NKAIN2: variants seen among roughly 807,000 people sequenced by gnomAD.
NKAIN2 encodes the protein sodium/potassium transporting ATPase interacting 2.
A neutral mutation model predicts 32.6 loss-of-function variants in NKAIN2; 14 were observed. The observed-to-expected ratio is 0.43, with a 90% CI of 0.28 to 0.67. The LOEUF (loss-of-function observed/expected upper bound fraction) is 0.67, where lower values mean the gene tolerates loss of function less well. Ranked by LOEUF, NKAIN2 falls within the 30% of genes least tolerant of loss-of-function variation. The pLI is 0.17. For synonymous variants in NKAIN2, 80 were observed against 87.2 expected, an observed-to-expected ratio of 0.92 and a Z score of 0.46; for missense variants, 198 against 258.3, an observed-to-expected ratio of 0.77 and a Z score of 1.60.
rs545922679 is a variant in NKAIN2, at chr6:124,005,226, A to G, written c.54+200972A>G. On this transcript the variant is annotated intron_variant, in intron 1 of 6. Transcript: ENST00000368417. ...AGCAACAGAGTGAGACTCCATCTCA[A>G]AAAACAAAACAAAACGAAACAAAAC... Among the ~76,000 whole-genome samples, 7 of 152,308 alleles carry G rather than the reference A, an allele frequency of 4.6e-5. No individual in the cohort carries two copies. In the East Asian group the frequency reaches 1.4e-3, roughly 29 times the overall value.
intron 1 of NKAIN2, among the ~76,000 whole-genome samples, chr6:123,955,467 A>G (rs1421353778): frequency 3.3e-5 from 5 of 152,004 alleles, no homozygotes; most frequent in Admixed American, 3.3e-4. Context: ...ATGAGACACT[A>G]TTCATTCCAC....
chr6:123,925,888 T>C (rs1291417886), intron 1 of NKAIN2, among the ~76,000 whole-genome samples: 2 of 152,222 alleles, frequency 1.3e-5, no homozygotes, highest in Non-Finnish European at 2.9e-5. Context: ...CTAGATAGCT[T>C]ATATAAACAA....
intron 4 of NKAIN2, among the ~76,000 whole-genome samples, chr6:124,786,540 C>T (rs1779513609): frequency 6.6e-6 from 1 of 151,772 alleles, no homozygotes; most frequent in African/African-American, 2.4e-5. Context: ...TCTGTGGATA[C>T]AAAAAAGAAT....
intron 1 of NKAIN2, among the ~76,000 whole-genome samples, chr6:123,894,781 G>A (rs1311031329): frequency 6.6e-6 from 1 of 151,920 alleles, no homozygotes; most frequent in Non-Finnish European, 1.5e-5. Flanking sequence ...GGATGAAGGA[G>A]GAGATTCCCC....
At chr6:124,454,105 TTGGG>T (rs1776227616) in intron 3 of NKAIN2, among the ~76,000 whole-genome samples, 2 of 130,738 alleles carry the variant, frequency 1.5e-5, no homozygotes, top group African/African-American at 2.8e-5. Context: ...GGTTTTTTTT[TTGGG>T]GGGGGGGGTT....
chr6:124,371,156 A>AT (rs1383552996), intron 3 of NKAIN2, among the ~76,000 whole-genome samples: 1 of 152,148 alleles, frequency 6.6e-6, no homozygotes, highest in Non-Finnish European at 1.5e-5. Context: ...ACTGAATATT[A>AT]TTTTCTCTTT....
chr6:123,934,994 C>T (rs909220011), intron 1 of NKAIN2, among the ~76,000 whole-genome samples: 87 of 149,056 alleles, frequency 5.8e-4, no homozygotes, highest in African/African-American at 2.0e-3. Context: ...GTAACTTTAT[C>T]AGACTGACAT....
intron 3 of NKAIN2, among the ~76,000 whole-genome samples, chr6:124,537,131 C>T (rs944049055): frequency 6.6e-6 from 1 of 152,208 alleles, no homozygotes; most frequent in African/African-American, 2.4e-5. Flanking sequence ...CATGCAGTTT[C>T]TCTTCCCCAG....
At chr6:124,475,091 AGAG>A (rs1777146371) in intron 3 of NKAIN2, among the ~76,000 whole-genome samples, 1 of 152,004 alleles carries the variant, frequency 6.6e-6, no homozygotes, top group South Asian at 2.1e-4. Context: ...AGCTAAACTA[AGAG>A]GAGTTCTTTG....
In NKAIN2 at chr6:124,462,793, G is replaced by A. The variant is rs148043956; in HGVS notation, c.273+107446G>A. Among the ~76,000 whole-genome samples, 887 of 152,004 alleles carry A rather than the reference G, an allele frequency of 5.8e-3. 4 individuals are homozygous for A. The highest frequency in any genetic ancestry group is 0.017 in the Middle Eastern group (5 of 294). The stretch of plus-strand genomic sequence containing the variant: ...ATGTACTTCGATGTATATCTCTATT[G>A]AGTACCACATCAGAGAAAATATAGA... On this transcript the variant is annotated intron_variant, in intron 3 of 6. Transcript: ENST00000368417.
chr6:124,548,012 G>T (rs976434289), intron 3 of NKAIN2, among the ~76,000 whole-genome samples: 1 of 152,100 alleles, frequency 6.6e-6, no homozygotes, highest in African/African-American at 2.4e-5. Flanking sequence ...CAGTATTATT[G>T]TTGTGTGAAA....
intron 3 of NKAIN2, among the ~76,000 whole-genome samples, chr6:124,409,801 C>T (rs560257175): frequency 3.3e-5 from 5 of 152,216 alleles, no homozygotes; most frequent in East Asian, 1.9e-4. Context: ...TGGTAGAATT[C>T]GGCTGTGAAT....
At chr6:124,545,339 C>T (rs1263445700) in intron 3 of NKAIN2, among the ~76,000 whole-genome samples, 1 of 152,206 alleles carries the variant, frequency 6.6e-6, no homozygotes, top group Non-Finnish European at 1.5e-5. Flanking sequence ...TCTCCCTTTT[C>T]TCCCTATTAA....
At chr6:124,669,719 T>G (rs1241298359) in intron 4 of NKAIN2, among the ~76,000 whole-genome samples, 2 of 152,158 alleles carry the variant, frequency 1.3e-5, no homozygotes, top group East Asian at 3.8e-4. Context: ...TTCTGACTTC[T>G]TAAATTCTCC....
chr6:124,524,192 T>A (rs1779225780), intron 3 of NKAIN2, among the ~76,000 whole-genome samples: 1 of 152,078 alleles, frequency 6.6e-6, no homozygotes, highest in African/African-American at 2.4e-5. Context: ...AAAAATAAAT[T>A]TGAAATTATT....
intron 3 of NKAIN2, among the ~76,000 whole-genome samples, chr6:124,606,903 A>G (rs555501496): frequency 6.6e-6 from 1 of 152,266 alleles, no homozygotes; most frequent in East Asian, 1.9e-4. Context: ...CCACAATTAA[A>G]CAGAACAACA....
At chr6:124,668,297 C>T (rs17052226) in intron 4 of NKAIN2, among the ~76,000 whole-genome samples, 8,910 of 152,078 alleles carry the variant, frequency 0.059, 355 homozygotes, top group African/African-American at 0.11. Flanking sequence ...AGTGTCCTGT[C>T]TTCAAGGATA....
At chr6:124,255,091 C>T (rs942401730) in intron 1 of NKAIN2, among the ~76,000 whole-genome samples, 43 of 152,134 alleles carry the variant, frequency 2.8e-4, no homozygotes, top group Non-Finnish European at 1.6e-4. Context: ...GTGTGTTTCC[C>T]TCCAGGGTGA....
At chr6:123,979,874 A>T (rs1378451050) in intron 1 of NKAIN2, among the ~76,000 whole-genome samples, 1 of 147,980 alleles carries the variant, frequency 6.8e-6, no homozygotes, top group South Asian at 2.1e-4. Flanking sequence ...GTTTGTGTCT[A>T]CCTTGTTTTT....
Sources: allele counts gnomAD v4.1 joint callset (sites outside exome capture counted in the v4.1 genomes callset), GRCh38; gene constraint gnomAD v4.1.1; transcripts MANE v1.5; gene names NCBI Gene and HGNC (gene_info 2026-07-23, HGNC 2026-07-21).